Variants in TRIM38 observed in about 807,000 individuals in gnomAD.
TRIM38 encodes tripartite motif containing 38.
Under a neutral mutation model 35.8 loss-of-function variants are expected in TRIM38, and 35 were observed. The ratio of observed to expected loss-of-function variants is 0.98; its 90% CI spans 0.75 to 1.30. The LOEUF (loss-of-function observed/expected upper bound fraction) is 1.30, where lower values mean the gene tolerates loss of function less well. Ranked by LOEUF, TRIM38 falls within the 50% of genes most tolerant of loss-of-function variation. TRIM38 has a pLI of 0.00. For missense variants in TRIM38, 545 were observed against 556.9 expected (o/e 0.98, Z 0.21); for synonymous variants, 198 against 204.7 (o/e 0.97, Z 0.28).
rs909378909 is a variant in TRIM38 at position 25,974,352 on chromosome 6, C to A, written c.874+1067C>A. Among the ~76,000 whole-genome samples the A allele has an allele frequency of 3.9e-5, 6 of 152,290 alleles. No individual in the cohort carries two copies. In the East Asian group the frequency reaches 1.2e-3, roughly 29 times the overall value. On this transcript the variant is annotated intron_variant, in intron 7 of 7. Transcript: ENST00000357085. Reference sequence around the variant, plus strand: ...CTTTGCACATGGGCTTCTAACATGGCCAGTTATTTCTTCAGAGAGAGCTCA... The same window carrying A: ...CTTTGCACATGGGCTTCTAACATGGACAGTTATTTCTTCAGAGAGAGCTCA...
chr6:25,966,710 G>A lies in TRIM38; in HGVS notation c.188G>A (p.Arg63Gln), dbSNP rs779444009. The change falls in exon 3 of 8, where the codon CGG becomes CAG. Residue 63 changes from arginine (R) to glutamine (Q), a missense_variant. Physicochemically the swap from Arg to Gln is conservative, Grantham distance 43 (BLOSUM62 1). Transcript: ENST00000357085. ...GAGACATTCTGCTGTCCCCAGTGTC[G>A]GGCTCCATTTCATATGGATAGCCTC... is the stretch of plus-strand genomic sequence containing the variant. ...RQETFCCPQC[R>Q]APFHMDSLRP... The A allele has an allele frequency of 7.4e-6, 12 of 1,613,976 alleles. No homozygotes were observed. In the Admixed American group the frequency reaches 1.7e-4, roughly 22 times the overall value.
At position 25,966,654 on chromosome 6, in the gene TRIM38, T is replaced by TA. The variant is rs774253186; in HGVS notation, c.137dup (p.Asn46LysfsTer25). 6.2e-7 allele frequency: 1 copy of TA among 1,614,094 alleles called. No homozygotes were observed. Among genetic ancestry groups the TA allele is most frequent in the Non-Finnish European group, 8.5e-7 (1 of 1,180,020 alleles). ...GCCACTTGTGTATAACAGACTTCTT[T>TA]AAAAACCCAAGCCAAAAGCAACTGA... On this transcript the variant is annotated frameshift_variant, in exon 3 of 8. Coordinates refer to ENST00000357085, the MANE Select transcript of TRIM38 (RefSeq NM_006355.5). LOFTEE classifies it high-confidence loss of function.
chr6:25,983,704 T>C lies in TRIM38; in HGVS notation c.*17T>C, dbSNP rs1188180816. 2 of 1,551,328 alleles carry C rather than the reference T, an allele frequency of 1.3e-6. No homozygotes were observed. The highest frequency in any genetic ancestry group is 4.0e-5 in the Admixed American group (2 of 49,864). The stretch of plus-strand genomic sequence containing the variant: ...GGTGACTAAGGAAAAGAGCAGAAGC[T>C]CCTTGGTTTAACCAGCACAGAGAAA... On this transcript the variant is annotated 3_prime_UTR_variant, in exon 8 of 8. Transcript: ENST00000357085.
chr6:25,975,407 G>T (rs924934696), intron 7 of TRIM38: 1 of 185,118 alleles, frequency 5.4e-6, no homozygotes, highest in African/African-American at 2.4e-5. Flanking sequence ...TCACAATGTT[G>T]GCCAGGCTGG....
chr6:25,968,911 A>G (rs1232972555), intron 3 of TRIM38, among the ~76,000 whole-genome samples: 1 of 152,194 alleles, frequency 6.6e-6, no homozygotes, highest in African/African-American at 2.4e-5. Context: ...TTGGTTCAGC[A>G]TGTTGTTTTA....
Position 25,983,082 on chromosome 6 carries a change from A to G in TRIM38, c.875-82A>G. ...CCAGCCTGGGTGACAGCAACACTCC[A>G]TCTCAAAATAAAATAAAATAAAATA... On this transcript the variant is annotated intron_variant, in intron 7 of 7. Coordinates refer to ENST00000357085, the MANE Select transcript of TRIM38 (RefSeq NM_006355.5). 2.9e-6 allele frequency: 4 copies of G among 1,396,468 alleles called. 1 individual carries two copies. The South Asian group carries it at 4.3e-5, about 15-fold the overall frequency. 86.5% of individuals were successfully genotyped at this position (1,396,468 alleles called of 1,614,324 possible).
intron 7 of TRIM38, chr6:25,973,576 C>T: frequency 1.0e-6 from 1 of 972,400 alleles, no homozygotes; most frequent in Non-Finnish European, 1.2e-6. Context: ...TTAACAGCTC[C>T]TACTTCATTG....
Position 25,972,068 on chromosome 6 carries a change from A to G in TRIM38, c.707A>G (p.Lys236Arg), listed in dbSNP as rs200853447. Residue 236 changes from lysine to arginine, a missense_variant, in exon 5 of 8, where the codon AAA becomes AGA. Lys to Arg is a conservative substitution (Grantham distance 26). Transcript: ENST00000357085. ...LKSHILELEEKCQGSAQKLLQ... is the reference protein window; with the variant it reads ...LKSHILELEERCQGSAQKLLQ... Reference sequence around the variant, plus strand: ...AGCCACATCCTGGAACTGGAGGAAAAATGTCAGGGCTCAGCCCAGAAATTG... The same window carrying G: ...AGCCACATCCTGGAACTGGAGGAAAGATGTCAGGGCTCAGCCCAGAAATTG... The G allele has an allele frequency of 1.2e-6, 2 of 1,614,166 alleles. No individual in the cohort carries two copies. Among genetic ancestry groups the G allele is most frequent in the African/African-American group, 2.7e-5 (2 of 75,064 alleles).
chr6:25,965,998 G>C (rs150143209), intron 2 of TRIM38, among the ~76,000 whole-genome samples: 69 of 151,916 alleles, frequency 4.5e-4, no homozygotes, highest in African/African-American at 1.1e-3. Flanking sequence ...AGCTATGTGA[G>C]GTATGCAAAA....
intron 7 of TRIM38, chr6:25,975,473 A>G (rs1347672525): frequency 7.0e-6 from 3 of 430,154 alleles, no homozygotes; most frequent in African/African-American, 6.5e-5. Flanking sequence ...AAGTGCTAGG[A>G]TTACAAGTGT....
chr6:25,974,962 T>A (rs1760346658), intron 7 of TRIM38: 1 of 985,204 alleles, frequency 1.0e-6, no homozygotes, highest in South Asian at 4.7e-5. Flanking sequence ...CTGAGTCAAT[T>A]TGCCTACTCT....
rs1234257695 is a variant in TRIM38, at chr6:25,990,937, T to C, written c.*7250T>C. 2 of 152,178 alleles carry C rather than the reference T, an allele frequency of 1.3e-5. No homozygotes were observed. The highest frequency in any genetic ancestry group is 2.9e-5 in the Non-Finnish European group (2 of 68,024). The allele number at this position is 152,178 out of a possible 1,614,324, so 9.4% of individuals were successfully genotyped here. On this transcript the variant is annotated 3_prime_UTR_variant, in exon 8 of 8. Transcript: ENST00000357085. ...TATAAATTGAAATACCTTTTCTGGT[T>C]AGGAGAGTAATTCTGTTTTTCTGAT...
At chr6:25,975,892 TGGTGCTTTC>T in intron 7 of TRIM38, among the ~76,000 whole-genome samples, 1 of 152,368 alleles carries the variant, frequency 6.6e-6, no homozygotes, top group East Asian at 1.9e-4. Flanking sequence ...CCTTATATCC[TGGTGCTTTC>T]ATTTCTTTTG....
intron 2 of TRIM38, among the ~76,000 whole-genome samples, 172 bp downstream of exon 2, chr6:25,963,454 C>G (rs1266123784): frequency 6.6e-6 from 1 of 152,034 alleles, no homozygotes; most frequent in Non-Finnish European, 1.5e-5. Flanking sequence ...CAGGCTTTTT[C>G]GCTCCTGGTC....
Position 25,966,821 on chromosome 6 carries a change from T to C in TRIM38, c.299T>C (p.Phe100Ser). ...EMSCEEHGEQ[F>S]HLFCEDEGQL... is the part of the protein sequence containing the mutation. The stretch of plus-strand genomic sequence containing the variant: ...TCATGTGAGGAACACGGAGAGCAGT[T>C]CCACCTGTTCTGCGAAGACGAGGGG... Residue 100 changes from phenylalanine to serine, a missense_variant, in exon 3 of 8, where the codon TTC (phenylalanine) becomes TCC (serine). By Grantham distance (155) the Phe-to-Ser change is radical (BLOSUM62 -2). Coordinates refer to ENST00000357085, the MANE Select transcript of TRIM38 (RefSeq NM_006355.5). 6.2e-7 allele frequency: 1 copy of C among 1,614,144 alleles called. No homozygotes were observed. The highest frequency in any genetic ancestry group is 8.5e-7 in the Non-Finnish European group (1 of 1,180,022).
intron 4 of TRIM38, among the ~76,000 whole-genome samples, chr6:25,969,730 G>A (rs1436310): frequency 3.3e-5 from 5 of 151,668 alleles, no homozygotes; most frequent in Non-Finnish European, 7.4e-5. Context: ...CTTTAAATAC[G>A]TCAAAATAAA....
intron 2 of TRIM38, among the ~76,000 whole-genome samples, chr6:25,964,690 A>T (rs561826401): frequency 6.6e-6 from 1 of 152,230 alleles, no homozygotes; most frequent in East Asian, 1.9e-4. Flanking sequence ...CAAAATACTC[A>T]TTATACCAGG....
chr6:25,978,496 A>G (rs2113611760), intron 7 of TRIM38, among the ~76,000 whole-genome samples: 1 of 152,082 alleles, frequency 6.6e-6, no homozygotes, highest in East Asian at 1.9e-4. Flanking sequence ...TAATATATAT[A>G]TTGATTACTG....
At chr6:25,963,623 C>T (rs1204360975) in intron 2 of TRIM38, among the ~76,000 whole-genome samples, 1 of 152,202 alleles carries the variant, frequency 6.6e-6, no homozygotes, top group Non-Finnish European at 1.5e-5. Context: ...CCCAGTTCTG[C>T]AGGAGCTCTG....
Sources: allele counts gnomAD v4.1 joint callset (sites outside exome capture counted in the v4.1 genomes callset), GRCh38; gene constraint gnomAD v4.1.1; transcripts MANE v1.5; gene names NCBI Gene and HGNC (gene_info 2026-07-23, HGNC 2026-07-21).